DPYD: variants seen among roughly 807,000 people sequenced by gnomAD.
DPYD encodes the protein dihydropyrimidine dehydrogenase, also known as dihydropyrimidine dehydrogenase [NADP(+)].
DPYD carries 109 observed loss-of-function variants against 116.2 expected under a neutral mutation model. The ratio of observed to expected loss-of-function variants is 0.94; its 90% confidence interval spans 0.80 to 1.10. DPYD has a LOEUF of 1.10. DPYD is among the 50% of genes least tolerant of loss of function. The probability of loss-of-function intolerance (pLI) is 0.00; values close to 1 mark genes in which losing one functional copy is unlikely to be tolerated. For synonymous variants in DPYD, 440 were observed against 432.0 expected (o/e 1.02, Z -0.23); for missense variants, 1,302 against 1,254.5 (o/e 1.04, Z -0.57).
intron 12 of DPYD, among the ~76,000 whole-genome samples, chr1:97,531,918 T>C (rs1192545030): frequency 5.3e-5 from 8 of 152,080 alleles, no homozygotes; most frequent in Admixed American, 4.6e-4. Flanking sequence ...TTTTGGATAG[T>C]TTATTGTTGG....
chr1:97,166,130 A>C (rs1415595151), intron 20 of DPYD, among the ~76,000 whole-genome samples: 1 of 152,178 alleles, frequency 6.6e-6, no homozygotes, highest in Non-Finnish European at 1.5e-5. Flanking sequence ...ACGTGTCCAC[A>C]TAAGGTATGT....
intron 3 of DPYD, among the ~76,000 whole-genome samples, chr1:97,766,128 C>G (rs1385421262): frequency 6.6e-6 from 1 of 152,020 alleles, no homozygotes; most frequent in Non-Finnish European, 1.5e-5. Flanking sequence ...GTAATCCCAG[C>G]TACTCAGGAG....
intron 12 of DPYD, among the ~76,000 whole-genome samples, chr1:97,526,522 T>G (rs544736770): frequency 2.0e-5 from 3 of 152,168 alleles, no homozygotes; most frequent in Non-Finnish European, 4.4e-5. Flanking sequence ...AAAAATATTT[T>G]AAAAATCCCT....
intron 4 of DPYD, among the ~76,000 whole-genome samples, chr1:97,739,391 T>A (rs1285591125): frequency 1.3e-5 from 2 of 152,060 alleles, no homozygotes; most frequent in Non-Finnish European, 2.9e-5. Context: ...CAATAAGCGG[T>A]TTATCTAAAA....
chr1:97,800,347 C>T (rs74105459), intron 3 of DPYD, among the ~76,000 whole-genome samples: 4,341 of 151,912 alleles, frequency 0.029, 204 homozygotes, highest in African/African-American at 0.095. Context: ...AAAGAGCCCC[C>T]TTGCAGTTCT....
At position 97,383,963 on chromosome 1, in the gene DPYD, G is replaced by C. The variant is rs575851906; in HGVS notation, c.1906-1502C>G. Among the ~76,000 whole-genome samples the C allele has an allele frequency of 3.2e-4, 48 of 152,196 alleles. No individual in the cohort carries two copies. In the South Asian group the frequency reaches 3.7e-3, roughly 12 times the overall value. ...CCTCCACAAAAAAATAGAAAAATTAGCTGGGTGTGGTGCCCTGCCCCTGTA... is the reference window on the plus strand; with the variant it reads ...CCTCCACAAAAAAATAGAAAAATTACCTGGGTGTGGTGCCCTGCCCCTGTA... On this transcript the variant is annotated intron_variant, in intron 14 of 22. Transcript: ENST00000370192.
intron 11 of DPYD, among the ~76,000 whole-genome samples, chr1:97,571,121 T>C (rs1317669276): frequency 6.6e-6 from 1 of 152,022 alleles, no homozygotes; most frequent in Non-Finnish European, 1.5e-5. Flanking sequence ...GACATTCATT[T>C]CACTGAAGAA....
At chr1:97,762,532 G>T (rs890691915) in intron 3 of DPYD, among the ~76,000 whole-genome samples, 1 of 152,044 alleles carries the variant, frequency 6.6e-6, no homozygotes, top group African/African-American at 2.4e-5. Flanking sequence ...GCTTTTCTCT[G>T]TAACTCCATT....
At chr1:97,224,379 A>G (rs1350225702) in intron 19 of DPYD, among the ~76,000 whole-genome samples, 1 of 151,998 alleles carries the variant, frequency 6.6e-6, no homozygotes, top group East Asian at 1.9e-4. Flanking sequence ...GAAGCATTTT[A>G]TCCATTTTAA....
At chr1:97,615,216 G>A (rs1656192277) in intron 8 of DPYD, among the ~76,000 whole-genome samples, 1 of 152,086 alleles carries the variant, frequency 6.6e-6, no homozygotes, top group African/African-American at 2.4e-5. Context: ...GGTTGGGCTA[G>A]TAACACAACA....
At chr1:97,211,857 A>G (rs1044947073) in intron 19 of DPYD, among the ~76,000 whole-genome samples, 2 of 152,102 alleles carry the variant, frequency 1.3e-5, no homozygotes, top group Non-Finnish European at 2.9e-5. Flanking sequence ...AATAGTATAC[A>G]TATCTTAAAT....
At chr1:97,515,612 G>T (rs1648159396) in intron 13 of DPYD, 114 bp downstream of exon 13, 1 of 935,510 alleles carries the variant, frequency 1.1e-6, no homozygotes, top group Non-Finnish European at 1.6e-6. Flanking sequence ...GATAGGTCTT[G>T]TCAAATAGTT....
intron 20 of DPYD, among the ~76,000 whole-genome samples, chr1:97,177,881 C>T (rs1036426062): frequency 2.6e-5 from 4 of 152,036 alleles, no homozygotes; most frequent in South Asian, 2.1e-4. Flanking sequence ...AAGATTGAGA[C>T]GCTGGGAGAT....
chr1:97,367,577 C>T (rs144549655), intron 16 of DPYD, among the ~76,000 whole-genome samples: 1,969 of 152,186 alleles, frequency 0.013, 24 homozygotes, highest in South Asian at 0.023. Context: ...AGGAAGGGGA[C>T]TGTGAGGTGG....
chr1:97,826,202 G>GT (rs753585227), intron 3 of DPYD, among the ~76,000 whole-genome samples: 8 of 152,202 alleles, frequency 5.3e-5, no homozygotes, highest in East Asian at 3.9e-4. Context: ...TTCATCTCTA[G>GT]TTTTTTAAAA....
At chr1:97,531,878 T>A (rs540894861) in intron 12 of DPYD, among the ~76,000 whole-genome samples, 11 of 152,260 alleles carry the variant, frequency 7.2e-5, no homozygotes, top group Non-Finnish European at 1.6e-4. Context: ...TTCTTTCTGG[T>A]CTTATTGTAA....
At chr1:97,190,392 G>A (rs1331724490) in intron 20 of DPYD, among the ~76,000 whole-genome samples, 1 of 152,110 alleles carries the variant, frequency 6.6e-6, no homozygotes, top group African/African-American at 2.4e-5. Flanking sequence ...GAATTATGAT[G>A]TTAAAATGCA....
chr1:97,192,613 G>A (rs1044532682), intron 20 of DPYD, among the ~76,000 whole-genome samples: 2 of 152,146 alleles, frequency 1.3e-5, no homozygotes, highest in African/African-American at 2.4e-5. Context: ...GTTTGAGACC[G>A]GGTTTAACCA....
chr1:97,287,749 T>G (rs1293245417), intron 18 of DPYD, among the ~76,000 whole-genome samples: 1 of 152,046 alleles, frequency 6.6e-6, no homozygotes, highest in Non-Finnish European at 1.5e-5. Context: ...CAGGATATAA[T>G]CTCCTGGTGC....
Sources: allele counts gnomAD v4.1 joint callset (sites outside exome capture counted in the v4.1 genomes callset), GRCh38; gene constraint gnomAD v4.1.1; transcripts MANE v1.5; gene names NCBI Gene and HGNC (gene_info 2026-07-23, HGNC 2026-07-21).